Variants in ZCCHC4 observed in about 807,000 individuals in gnomAD.
The protein encoded by ZCCHC4 is zinc finger CCHC-type containing 4.
In ZCCHC4, 54 loss-of-function variants were observed where a neutral mutation model predicts 67.7. The ratio of observed to expected loss-of-function variants is 0.80; its 90% confidence interval spans 0.64 to 1.00. The LOEUF (loss-of-function observed/expected upper bound fraction) is 1.00. ZCCHC4 is among the 50% of genes least tolerant of loss of function. ZCCHC4 has a pLI of 0.00. For synonymous variants in ZCCHC4, 198 were observed against 213.5 expected (o/e 0.93, Z 0.63); for missense variants, 609 against 617.0 (o/e 0.99, Z 0.14).
chr4:25,320,054 G>A (rs754013396), intron 3 of ZCCHC4, among the ~76,000 whole-genome samples: 6 of 152,102 alleles, frequency 3.9e-5, no homozygotes, highest in Non-Finnish European at 5.9e-5. Context: ...AGGATTGGTA[G>A]CGCTGCACAG....
intron 3 of ZCCHC4, among the ~76,000 whole-genome samples, chr4:25,326,075 A>C (rs779233773): frequency 6.6e-6 from 1 of 152,228 alleles, no homozygotes; most frequent in Non-Finnish European, 1.5e-5. Flanking sequence ...TCTTCCAGTA[A>C]TGGAGGCCCA....
rs1211092126 is a variant in ZCCHC4 at position 25,321,585 on chromosome 4, C to T, written c.329+6185C>T. ...ACAGGGTTTCACCATGTTGGCCAGG[C>T]TGGTCTTGAACTCCTGACCTCAAGT... is the stretch of plus-strand genomic sequence containing the variant. On this transcript the variant is annotated intron_variant, in intron 3 of 12. Coordinates refer to ENST00000302874, the MANE Select transcript of ZCCHC4 (RefSeq NM_024936.3). 2.6e-5 allele frequency among the ~76,000 whole-genome samples: 4 copies of T among 151,990 alleles called. No homozygotes were observed. The South Asian group carries it at 8.3e-4, about 31-fold the overall frequency.
intron 3 of ZCCHC4, among the ~76,000 whole-genome samples, chr4:25,324,703 C>T (rs1233592115): frequency 6.6e-6 from 1 of 152,182 alleles, no homozygotes; most frequent in Non-Finnish European, 1.5e-5. Context: ...TTTTTCCTGT[C>T]TCCTACAACA....
chr4:25,367,762 G>C (rs1209269375), intron 12 of ZCCHC4, among the ~76,000 whole-genome samples: 1 of 152,128 alleles, frequency 6.6e-6, no homozygotes, highest in Non-Finnish European at 1.5e-5. Flanking sequence ...ATTTAAAGTT[G>C]TCAAGCAAAA....
chr4:25,353,433 G>A (rs908717945), intron 8 of ZCCHC4, among the ~76,000 whole-genome samples: 2 of 152,166 alleles, frequency 1.3e-5, no homozygotes, highest in Non-Finnish European at 2.9e-5. Context: ...ACTCGTTTTT[G>A]GGGCATCAAG....
chr4:25,362,671 C>T (rs1421703571), intron 10 of ZCCHC4, among the ~76,000 whole-genome samples: 1 of 152,152 alleles, frequency 6.6e-6, no homozygotes, highest in Non-Finnish European at 1.5e-5. Context: ...TAATTAATAA[C>T]ATGTACTGTG....
Position 25,315,382 on chromosome 4 carries a change from G to A in ZCCHC4, c.311G>A (p.Arg104Gln), listed in dbSNP as rs779638177. The A allele has an allele frequency of 5.0e-6, 8 of 1,611,832 alleles. No individual in the cohort carries two copies. Among genetic ancestry groups the A allele is most frequent in the East Asian group, 4.5e-5 (2 of 44,812 alleles). Residue 104 changes from arginine (R) to glutamine (Q), a missense_variant, in exon 3 of 13, where the codon CGA (arginine) becomes CAA (glutamine). Coordinates refer to ENST00000302874, the MANE Select transcript of ZCCHC4 (RefSeq NM_024936.3). Reference sequence around the variant, plus strand: ...CGAAGATGTCAGCCTCCCCTGTCCCGAACGCAGTGTGTGGAAAGGTACTGA... The same window carrying A: ...CGAAGATGTCAGCCTCCCCTGTCCCAAACGCAGTGTGTGGAAAGGTACTGA... ...HNRRCQPPLSRTQCVERYLKF... is the reference protein window; with the variant it reads ...HNRRCQPPLSQTQCVERYLKF...
At chr4:25,353,183 A>C (rs1448685777) in intron 8 of ZCCHC4, among the ~76,000 whole-genome samples, 1 of 152,206 alleles carries the variant, frequency 6.6e-6, no homozygotes, top group Non-Finnish European at 1.5e-5. Flanking sequence ...AAGGTAATAT[A>C]AATAACACTG....
At chr4:25,365,271 T>A in intron 12 of ZCCHC4, 105 bp downstream of exon 12, 1 of 1,526,684 alleles carries the variant, frequency 6.6e-7, no homozygotes, top group South Asian at 1.3e-5. Flanking sequence ...CCAAGTTAAT[T>A]GTCACTTTCA....
intron 8 of ZCCHC4, among the ~76,000 whole-genome samples, chr4:25,360,310 A>G (rs1023182315): frequency 3.9e-5 from 6 of 152,274 alleles, no homozygotes; most frequent in Non-Finnish European, 8.8e-5. Flanking sequence ...TTTAGCGGGC[A>G]TATGCCCTAT....
chr4:25,328,533 C>T (rs1719010536), intron 3 of ZCCHC4, among the ~76,000 whole-genome samples: 1 of 151,870 alleles, frequency 6.6e-6, no homozygotes, highest in African/African-American at 2.4e-5. Context: ...AGCCACCTTG[C>T]CCAGTCCACA....
chr4:25,341,225 C>CTATTAGTAGT (rs1719744207), intron 5 of ZCCHC4, among the ~76,000 whole-genome samples: 1 of 152,104 alleles, frequency 6.6e-6, no homozygotes, highest in Admixed American at 6.6e-5. Flanking sequence ...TCATCGTAGG[C>CTATTAGTAGT]TATTAGTAGT....
Position 25,369,885 on chromosome 4 carries a change from A to G in ZCCHC4, c.*721A>G, listed in dbSNP as rs1721079318. On this transcript the variant is annotated 3_prime_UTR_variant, in exon 13 of 13. Transcript: ENST00000302874. ...TTTAAATAGGAAAATATTTTATGTT[A>G]AATATGAAACAATAGTTTAAACCCC... 6.6e-6 allele frequency: 1 copy of G among 152,222 alleles called. No homozygotes were observed. The highest frequency in any genetic ancestry group is 1.5e-5 in the Non-Finnish European group (1 of 68,040). 9.4% of individuals were successfully genotyped at this position (152,222 alleles called of 1,614,324 possible). A position where few individuals can be genotyped will look rare whatever the true frequency, so the allele number is the denominator to read the frequency against.
In ZCCHC4 at chr4:25,344,846, C is replaced by T. The variant is rs77018162; in HGVS notation, c.687-702C>T. On this transcript the variant is annotated intron_variant, in intron 5 of 12. Coordinates refer to ENST00000302874, the MANE Select transcript of ZCCHC4 (RefSeq NM_024936.3). ...GAGACAAGGTCTGGCTATAGCGTCC[C>T]GGCTGGAGTATAGTGGTGTGATCTT... is the stretch of plus-strand genomic sequence containing the variant. 6.7e-3 allele frequency among the ~76,000 whole-genome samples: 1,018 copies of T among 150,868 alleles called. 8 individuals are homozygous for T. The highest frequency in any genetic ancestry group is 0.023 in the African/African-American group (949 of 41,174).
At chr4:25,351,548 C>T (rs781341865) in intron 7 of ZCCHC4, 41 bp from the exon 8 acceptor site, 1 of 1,383,860 alleles carries the variant, frequency 7.2e-7, no homozygotes. Context: ...TCTATTTTTT[C>T]TTTAATTTAC....
chr4:25,333,358 A>G lies in ZCCHC4; in HGVS notation c.505A>G (p.Thr169Ala). The G allele has an allele frequency of 1.2e-6, 2 of 1,614,126 alleles. No homozygotes were observed. Among genetic ancestry groups the G allele is most frequent in the Non-Finnish European group, 1.7e-6 (2 of 1,180,016 alleles). Residue 169 changes from threonine to alanine, a missense_variant, in exon 4 of 13, where the codon ACA becomes GCA. Transcript: ENST00000302874. ...CCTTTATCCACTGGAAAACAAGAAG[A>G]CAAATGCCCAGTATCTGTTTGCTGA... ...QLLYPLENKKTNAQYLFADRS... is the reference protein window; with the variant it reads ...QLLYPLENKKANAQYLFADRS...
intron 3 of ZCCHC4, among the ~76,000 whole-genome samples, chr4:25,315,785 C>T (rs1448580379): frequency 2.0e-5 from 3 of 151,452 alleles, no homozygotes; most frequent in Non-Finnish European, 4.4e-5. Context: ...GCTGTCACGA[C>T]TCACTATAGC....
rs1466761046 is a variant in ZCCHC4 at position 25,359,121 on chromosome 4, T to C, written c.1012-2738T>C. 3.3e-5 allele frequency among the ~76,000 whole-genome samples: 5 copies of C among 152,208 alleles called. No homozygotes were observed. The highest frequency in any genetic ancestry group is 7.3e-5 in the Non-Finnish European group (5 of 68,028). The stretch of plus-strand genomic sequence containing the variant: ...GGTGCCCATTGTCAGCTGTGCTGCT[T>C]GGATGGGCTCCAATGGAAACCTGGG... On this transcript the variant is annotated intron_variant, in intron 8 of 12. Transcript: ENST00000302874. This position sits in a 1 kb window ranked among gnomAD's most constrained non-coding sequence, Gnocchi z 4.9.
At chr4:25,366,084 T>C in intron 12 of ZCCHC4, 5 of 973,718 alleles carry the variant, frequency 5.1e-6, no homozygotes, top group Non-Finnish European at 6.1e-6. Flanking sequence ...TAGAAATATC[T>C]GATAGTTTAA....
Sources: allele counts gnomAD v4.1 joint callset (sites outside exome capture counted in the v4.1 genomes callset), GRCh38; gene constraint gnomAD v4.1.1; non-coding constraint Gnocchi (gnomAD v3.1); transcripts MANE v1.5; gene names NCBI Gene and HGNC (gene_info 2026-07-23, HGNC 2026-07-21).